The following PFKFB3 variants were observed in gnomAD, a reference collection of about 807,000 sequenced individuals.
PFKFB3 encodes 6-phosphofructo-2-kinase/fructose-2,6-bisphosphatase 3.
Under a neutral mutation model 68.0 loss-of-function variants are expected in PFKFB3, and 33 were observed. That is an observed-to-expected ratio of 0.49 (90% CI 0.37 to 0.65). The LOEUF (loss-of-function observed/expected upper bound fraction) is 0.65, where lower values mean the gene tolerates loss of function less well. PFKFB3 is among the 30% of genes least tolerant of loss of function. The pLI is 0.00. For missense variants in PFKFB3, 586 were observed against 712.2 expected (o/e 0.82, Z 2.02); for synonymous variants, 315 against 288.2 (o/e 1.09, Z -0.94).
At chr10:6,230,198 C>A (rs981761705) in intron 14 of PFKFB3, among the ~76,000 whole-genome samples, 1 of 152,210 alleles carries the variant, frequency 6.6e-6, no homozygotes, top group Non-Finnish European at 1.5e-5. Flanking sequence ...ACCCATCACA[C>A]CTGACTCAGG....
At chr10:6,211,111 G>A (rs1692143913) in intron 1 of PFKFB3, among the ~76,000 whole-genome samples, 2 of 152,296 alleles carry the variant, frequency 1.3e-5, no homozygotes, top group African/African-American at 4.8e-5. Context: ...CAGTGCATAG[G>A]GAGAATGGCT....
At chr10:6,196,322 A>G (rs991435616) in intron 1 of PFKFB3, among the ~76,000 whole-genome samples, 3 of 151,784 alleles carry the variant, frequency 2.0e-5, no homozygotes, top group African/African-American at 7.3e-5. Flanking sequence ...TTTTGTAGAG[A>G]TGGTGGATTA....
intron 1 of PFKFB3, among the ~76,000 whole-genome samples, chr10:6,149,455 T>G (rs4750021): frequency 6.0e-5 from 9 of 150,018 alleles, no homozygotes; most frequent in African/African-American, 1.2e-4. Flanking sequence ...GGGGTGGGGG[T>G]GGGCGCCTGT....
At chr10:6,159,425 A>T (rs1841906624) in intron 1 of PFKFB3, among the ~76,000 whole-genome samples, 1 of 151,082 alleles carries the variant, frequency 6.6e-6, no homozygotes, top group Admixed American at 6.6e-5. Flanking sequence ...AGCACCAGGC[A>T]TGGTGGCTCA....
chr10:6,239,530 G>T (rs1008446009), downstream of PFKFB3, among the ~76,000 whole-genome samples: 1 of 152,200 alleles, frequency 6.6e-6, no homozygotes, highest in Non-Finnish European at 1.5e-5. Context: ...ACGAACAACA[G>T]ATTTTCTGGA....
chr10:6,294,011 A>G, the PFKFB3 span: 2 of 526,506 alleles, frequency 3.8e-6, no homozygotes, highest in Non-Finnish European at 7.7e-6. Context: ...TTTCTGCTCT[A>G]CAAATTCCAA....
At chr10:6,178,717 A>G (rs1842609917) in intron 1 of PFKFB3, among the ~76,000 whole-genome samples, 2 of 152,164 alleles carry the variant, frequency 1.3e-5, no homozygotes, top group South Asian at 2.1e-4. Context: ...GAAAGGATTT[A>G]CTGCTGTCAG....
intron 1 of PFKFB3, among the ~76,000 whole-genome samples, chr10:6,163,680 ACGGGGGCGTGG>A: frequency 6.6e-6 from 1 of 151,958 alleles, no homozygotes; most frequent in East Asian, 2.0e-4. Context: ...TGCGGGCCCG[ACGGGGGCGTGG>A]CGGGACCGGC....
At chr10:6,152,989 G>T (rs1236349279) in intron 1 of PFKFB3, among the ~76,000 whole-genome samples, 2 of 152,144 alleles carry the variant, frequency 1.3e-5, no homozygotes, top group Non-Finnish European at 2.9e-5. Flanking sequence ...AGACCAGCTT[G>T]ATCAACATGG....
At chr10:6,297,113 T>C in the PFKFB3 span, among the ~76,000 whole-genome samples, 1 of 152,220 alleles carries the variant, frequency 6.6e-6, no homozygotes, top group South Asian at 2.1e-4. Flanking sequence ...TGCCTGGGCG[T>C]AACCAGGAAG....
At chr10:6,172,808 C>T (rs1442929531) in intron 1 of PFKFB3, among the ~76,000 whole-genome samples, 4 of 149,064 alleles carry the variant, frequency 2.7e-5, no homozygotes, top group African/African-American at 7.4e-5. Flanking sequence ...GGCCACAGAA[C>T]AAGACTTCAT....
At chr10:6,153,177 AAAGAAAG>A (rs775913001) in intron 1 of PFKFB3, among the ~76,000 whole-genome samples, 17 of 19,002 alleles carry the variant, frequency 8.9e-4, no homozygotes, top group African/African-American at 2.2e-3. Flanking sequence ...GTCTCAGAAA[AAAGAAAG>A]AAAGAAAGAA....
Position 6,217,116 on chromosome 10 carries a change from C to T in PFKFB3, c.442-19C>T. ...TTCGTGGTGTTTGTTTTCTAACATCCCCACCTCACTTCCACCAGGCGTTTT... is the reference window on the plus strand; with the variant it reads ...TTCGTGGTGTTTGTTTTCTAACATCTCCACCTCACTTCCACCAGGCGTTTT... On this transcript the variant is annotated intron_variant, in intron 5 of 14. Transcript: ENST00000379775. 1.1e-5 allele frequency: 18 copies of T among 1,612,944 alleles called. No individual in the cohort carries two copies. Among genetic ancestry groups the T allele is most frequent in the Non-Finnish European group, 1.5e-5 (18 of 1,178,904 alleles).
intron 1 of PFKFB3, among the ~76,000 whole-genome samples, chr10:6,192,712 T>TGTGTGTGTGTG (rs1588449738): frequency 9.2e-6 from 1 of 108,424 alleles, no homozygotes; most frequent in African/African-American, 3.2e-5. Context: ...TGTGTGTGTG[T>TGTGTGTGTGTG]TGGGGGATGT....
rs146754515 is a variant in PFKFB3 at position 6,215,332 on chromosome 10, C to T, written c.299+15C>T. 764 of 1,599,500 alleles carry T rather than the reference C, an allele frequency of 4.8e-4. 1 individual carries two copies. In the African/African-American group the frequency reaches 9.2e-3, roughly 19 times the overall value. On this transcript the variant is annotated intron_variant, in intron 3 of 14. Coordinates refer to ENST00000379775, the MANE Select transcript of PFKFB3 (RefSeq NM_004566.4). The surrounding 1 kb of genome is among the most constrained non-coding windows in gnomAD (Gnocchi z 4.3). ...AAAGTCCGGAAGTAAGGCTGGGCCG[C>T]GGGCGTAGGGCTGGGCTGTGGGAAT...
chr10:6,315,536 T>A, the PFKFB3 span, among the ~76,000 whole-genome samples: 1,082 of 152,276 alleles, frequency 7.1e-3, 21 homozygotes, highest in African/African-American at 0.025. Flanking sequence ...CAGGCTGGAG[T>A]GCAATGGTGC....
chr10:6,180,955 G>A (rs1185203806), intron 1 of PFKFB3, among the ~76,000 whole-genome samples: 1 of 152,176 alleles, frequency 6.6e-6, no homozygotes, highest in East Asian at 1.9e-4. Flanking sequence ...AAAAGATAAA[G>A]TTTGGAAGTG....
intron 1 of PFKFB3, among the ~76,000 whole-genome samples, chr10:6,165,754 T>G (rs1267588464): frequency 1.3e-5 from 2 of 152,184 alleles, no homozygotes; most frequent in African/African-American, 2.4e-5. Flanking sequence ...TCGTTTGTTG[T>G]AGATTATTTC....
At chr10:6,255,075 C>A (rs1846475380), downstream of PFKFB3, among the ~76,000 whole-genome samples, 1 of 151,656 alleles carries the variant, frequency 6.6e-6, no homozygotes, top group Non-Finnish European at 1.5e-5. Flanking sequence ...CCTCGGTCTC[C>A]CAAAGTGCTG....
Sources: gnomAD v4.1 joint callset for allele counts (sites outside exome capture counted in the v4.1 genomes callset) on GRCh38, gnomAD v4.1.1 for gene constraint, Gnocchi (gnomAD v3.1) non-coding constraint, MANE v1.5 for transcripts, NCBI Gene and HGNC (gene_info 2026-07-23, HGNC 2026-07-21) for gene names.